The following NBPF12 variants were observed in gnomAD, a reference collection of about 807,000 sequenced individuals.
NBPF12 encodes NBPF member 12.
A neutral mutation model predicts 146.4 loss-of-function variants in NBPF12; 115 were observed. That is an observed-to-expected ratio of 0.79 (90% confidence interval 0.68 to 0.92). The LOEUF is 0.92. NBPF12 is among the 40% of genes least tolerant of loss of function. The probability of loss-of-function intolerance (pLI) is 0.00; values close to 1 mark genes in which losing one functional copy is unlikely to be tolerated. For synonymous variants in NBPF12, 385 were observed against 508.9 expected (o/e 0.76, Z 3.28); for missense variants, 1,205 against 1,326.8 (o/e 0.91, Z 1.43).
At chr1:146,972,809 G>A (rs1553886781) in exon 14 of NBPF12, 50 of 1,366,640 alleles carry the variant, frequency 3.7e-5, no homozygotes, top group Non-Finnish European at 4.8e-5. Flanking sequence ...CCGGCCCTTT[G>A]TCCAGCGAGA....
chr1:146,992,460 C>CTGTG (rs1553889578), intron 31 of NBPF12, among the ~76,000 whole-genome samples: 23 of 88,922 alleles, frequency 2.6e-4, no homozygotes, highest in East Asian at 8.9e-4. Context: ...CTCTCTCTCT[C>CTGTG]TCTGTGTGTG....
At chr1:146,970,517 GAT>G (rs1656530197) in intron 11 of NBPF12, 128 bp from the exon 15 acceptor site, 1 of 1,275,706 alleles carries the variant, frequency 7.8e-7, no homozygotes, top group Non-Finnish European at 1.1e-6. Context: ...TTTTGTGAAA[GAT>G]AAAACATGAG....
intron 4 of NBPF12, 133 bp from the exon 8 acceptor site, chr1:146,962,028 G>T: frequency 1.4e-6 from 1 of 733,742 alleles, no homozygotes; most frequent in Non-Finnish European, 2.3e-6. Context: ...TAAAGATGTG[G>T]AAATCCCTGT....
upstream of NBPF12, among the ~76,000 whole-genome samples, chr1:146,945,080 C>T (rs1439096807): frequency 7.2e-6 from 1 of 138,360 alleles, no homozygotes; most frequent in Non-Finnish European, 1.6e-5. Context: ...TTCTTCCTCC[C>T]TCCCTTCCTC....
chr1:146,954,413 AG>A (rs1553884155), intron 2 of NBPF12, among the ~76,000 whole-genome samples: 3 of 112,308 alleles, frequency 2.7e-5, no homozygotes, highest in African/African-American at 6.4e-5. Context: ...AAAAAAAAAA[AG>A]GAAAGTCAAC....
In NBPF12 at chr1:146,987,757, G is replaced by GTGTC. The variant is rs1553888845; in HGVS notation, c.3117-191_3117-188dup. Among the ~76,000 whole-genome samples, 793 of 150,702 alleles carry GTGTC rather than the reference G, an allele frequency of 5.3e-3. 2 individuals are homozygous for GTGTC. The highest frequency in any genetic ancestry group is 8.2e-3 in the Non-Finnish European group (552 of 67,220). On this transcript the variant is annotated intron_variant, in intron 25 of 33. Coordinates refer to ENST00000617844, the Ensembl canonical transcript of NBPF12. ...TTTGTGTGTGTGTGTGTGTGTGTGT[G>GTGTC]TGTCTGTCTTTCTCTTTCATTCTTT...
chr1:146,994,839 A>G (rs1161034035), exon 34 of NBPF12: 11 of 655,136 alleles, frequency 1.7e-5, no homozygotes, highest in Non-Finnish European at 2.7e-5. Flanking sequence ...TGAACCATGT[A>G]TCTCTGGGTA....
chr1:146,960,753 G>A (rs1156608571), intron 4 of NBPF12, among the ~76,000 whole-genome samples: 1 of 152,018 alleles, frequency 6.6e-6, no homozygotes, highest in African/African-American at 2.4e-5. Context: ...TAGTGACTCT[G>A]AGGGGAACTT....
At chr1:146,963,392 G>A (rs1184601643) in intron 6 of NBPF12, 83 bp downstream of exon 9, 17 of 1,599,254 alleles carry the variant, frequency 1.1e-5, no homozygotes, top group South Asian at 6.6e-5. Flanking sequence ...GATGACAGTT[G>A]TATCAGTGGG....
At chr1:146,973,043 A>G in intron 14 of NBPF12, 83 bp downstream of exon 17, 1 of 765,462 alleles carries the variant, frequency 1.3e-6, no homozygotes, top group Non-Finnish European at 2.4e-6. Context: ...CTCTCCATCA[A>G]AAATAATGTC....
upstream of NBPF12, chr1:146,949,232 C>A (rs1335537606): frequency 6.6e-6 from 1 of 151,584 alleles, no homozygotes; most frequent in Non-Finnish European, 1.5e-5. Context: ...GTGTCTCTTT[C>A]TTTTCCAAGT....
At chr1:146,969,447 A>T in exon 11 of NBPF12, 1 of 1,443,664 alleles carries the variant, frequency 6.9e-7, no homozygotes, top group Non-Finnish European at 9.7e-7. Flanking sequence ...AAGTTACGGG[A>T]AGGGAGAGAT....
chr1:146,978,216 T>C, intron 18 of NBPF12, among the ~76,000 whole-genome samples: 1 of 150,006 alleles, frequency 6.7e-6, no homozygotes, highest in East Asian at 2.0e-4. Flanking sequence ...TTCTCCACCC[T>C]GTCAATGCAA....
chr1:146,962,939 GTTC>G lies in NBPF12; in HGVS notation c.279-153_279-151del, dbSNP rs1194863824. 5.3e-5 allele frequency among the ~76,000 whole-genome samples: 8 copies of G among 151,400 alleles called. No homozygotes were observed. The South Asian group carries it at 8.4e-4, about 16-fold the overall frequency. On this transcript the variant is annotated intron_variant, in intron 5 of 33. Coordinates refer to ENST00000617844, the Ensembl canonical transcript of NBPF12. ...AGGGAAAGCCTGTAGACCATTTTCT[GTTC>G]TTTCTCTTGGCCACAGACATTCCTT...
rs1399799398 is a variant in NBPF12 at position 146,965,554 on chromosome 1, G to A, written c.778+450G>A. Among the ~76,000 whole-genome samples, 14 of 150,260 alleles carry A rather than the reference G, an allele frequency of 9.3e-5. 1 individual carries two copies. The highest frequency in any genetic ancestry group is 3.0e-4 in the African/African-American group (12 of 40,332). On this transcript the variant is annotated intron_variant, in intron 8 of 33. Transcript: ENST00000617844. ...TCCCAGCACTTTGGGAGGCCGAGGC[G>A]GGTGGATCACGAGGTCAGGAGATTG...
At chr1:146,946,097 C>T (rs1394728329), upstream of NBPF12, among the ~76,000 whole-genome samples, 115 of 152,100 alleles carry the variant, frequency 7.6e-4, no homozygotes, top group South Asian at 6.2e-4. Context: ...AGTTCCTCCA[C>T]GCCTTTTCAT....
exon 34 of NBPF12, chr1:146,994,838 T>G: frequency 1.5e-6 from 1 of 651,956 alleles, no homozygotes; most frequent in Non-Finnish European, 2.4e-6. Flanking sequence ...TTGAACCATG[T>G]ATCTCTGGGT....
chr1:146,954,901 G>GTA (rs1655502419), intron 2 of NBPF12, among the ~76,000 whole-genome samples: 1 of 35,286 alleles, frequency 2.8e-5, no homozygotes, highest in Non-Finnish European at 5.3e-5. Context: ...ACACACAAAC[G>GTA]TGTGTGTGTG....
At chr1:146,950,675 T>G (rs1244486034) in intron 1 of NBPF12, among the ~76,000 whole-genome samples, 1 of 152,176 alleles carries the variant, frequency 6.6e-6, no homozygotes, top group Non-Finnish European at 1.5e-5. Context: ...TCATCCATGT[T>G]GTTTTGTGTG....
Sources: allele counts gnomAD v4.1 joint callset (sites outside exome capture counted in the v4.1 genomes callset), GRCh38; gene constraint gnomAD v4.1.1; transcripts MANE v1.5; gene names NCBI Gene and HGNC (gene_info 2026-07-23, HGNC 2026-07-21).